Variants in INPP4B observed in about 807,000 individuals in gnomAD.
INPP4B encodes inositol polyphosphate-4-phosphatase type II B, also known as inositol polyphosphate 4-phosphatase type II.
In INPP4B, 55 loss-of-function variants were observed where a neutral mutation model predicts 122.5. The ratio of observed to expected loss-of-function variants is 0.45; its 90% confidence interval spans 0.36 to 0.56. The LOEUF (loss-of-function observed/expected upper bound fraction) is 0.56, where lower values mean the gene tolerates loss of function less well. Among genes scored for constraint, INPP4B ranks in the 20% least tolerant of loss-of-function variants. INPP4B has a pLI of 0.00. For missense variants in INPP4B, 1,000 were observed against 1,097.7 expected (o/e 0.91, Z 1.26); for synonymous variants, 403 against 388.7 (o/e 1.04, Z -0.43).
At position 142,600,081 on chromosome 4, in the gene INPP4B, G is replaced by C. The variant is rs76924238; in HGVS notation, c.-191+125758C>G. ...ATATCCCCCAAAGCAAAGAGAGAAG[G>C]GTTCAAAAAACTATTCAACAACATA... On this transcript the variant is annotated intron_variant, in intron 2 of 25. Coordinates refer to ENST00000262992, the MANE Select transcript of INPP4B (RefSeq NM_001101669.3). Among the ~76,000 whole-genome samples, 1,139 of 151,790 alleles carry C rather than the reference G, an allele frequency of 7.5e-3. 6 individuals are homozygous for C. Among genetic ancestry groups the C allele is most frequent in the Non-Finnish European group, 0.011 (767 of 67,920 alleles).
intron 7 of INPP4B, among the ~76,000 whole-genome samples, chr4:142,328,542 C>G (rs1296096391): frequency 6.6e-6 from 1 of 152,126 alleles, no homozygotes; most frequent in Non-Finnish European, 1.5e-5. Flanking sequence ...AGATTGAATA[C>G]AGAGAAGCAG....
At chr4:142,062,904 C>A (rs1761775285) in intron 25 of INPP4B, among the ~76,000 whole-genome samples, 1 of 152,140 alleles carries the variant, frequency 6.6e-6, no homozygotes, top group Non-Finnish European at 1.5e-5. Context: ...TATGTATAGA[C>A]CTCAGGTACA....
intron 2 of INPP4B, among the ~76,000 whole-genome samples, chr4:142,712,194 T>A (rs1763203685): frequency 6.6e-6 from 1 of 152,208 alleles, no homozygotes; most frequent in Non-Finnish European, 1.5e-5. Flanking sequence ...ACTTCCCAGC[T>A]TCTAGAATTG....
At chr4:142,663,754 A>T (rs1034769805) in intron 2 of INPP4B, among the ~76,000 whole-genome samples, 1 of 152,146 alleles carries the variant, frequency 6.6e-6, no homozygotes, top group South Asian at 2.1e-4. Flanking sequence ...ATTCATTTCT[A>T]AGAATTTCTA....
At chr4:142,587,920 A>G (rs1217608125) in intron 2 of INPP4B, among the ~76,000 whole-genome samples, 1 of 151,982 alleles carries the variant, frequency 6.6e-6, no homozygotes, top group African/African-American at 2.4e-5. Context: ...CATAAATATA[A>G]ATGCAAAAAT....
intron 2 of INPP4B, among the ~76,000 whole-genome samples, chr4:142,572,492 A>G (rs1047176198): frequency 6.6e-6 from 1 of 152,146 alleles, no homozygotes; most frequent in African/African-American, 2.4e-5. Context: ...CCACAACACT[A>G]TATTTTGAAA....
intron 2 of INPP4B, among the ~76,000 whole-genome samples, chr4:142,580,776 G>C (rs1040896474): frequency 1.3e-5 from 2 of 152,004 alleles, no homozygotes; most frequent in African/African-American, 4.8e-5. Context: ...GACAGAGGGA[G>C]ATACATTAAA....
At position 142,123,489 on chromosome 4, in the gene INPP4B, T is replaced by C. The variant is rs183027534; in HGVS notation, c.1894-74A>G. ...GTTTTATTTTGAAATATTTTAAGACTTCTGAGGCATCACAGATTCGATTAT... is the reference window on the plus strand; with the variant it reads ...GTTTTATTTTGAAATATTTTAAGACCTCTGAGGCATCACAGATTCGATTAT... On this transcript the variant is annotated intron_variant, in intron 19 of 25. Coordinates refer to ENST00000262992, the MANE Select transcript of INPP4B (RefSeq NM_001101669.3). 3.5e-6 allele frequency: 5 copies of C among 1,430,716 alleles called. No individual in the cohort carries two copies. In the East Asian group the frequency reaches 9.4e-5, roughly 27 times the overall value. The allele number at this position is 1,430,716 out of a possible 1,614,324, so 88.6% of individuals were successfully genotyped here. A position where few individuals can be genotyped will look rare whatever the true frequency, so the allele number is the denominator to read the frequency against.
At chr4:142,137,000 C>A (rs1034969639) in intron 18 of INPP4B, among the ~76,000 whole-genome samples, 2 of 152,118 alleles carry the variant, frequency 1.3e-5, no homozygotes, top group African/African-American at 4.8e-5. Flanking sequence ...CATCAAGATA[C>A]CAATGAGTTT....
intron 25 of INPP4B, among the ~76,000 whole-genome samples, chr4:142,045,030 C>A (rs2645814): frequency 0.85 from 128,664 of 152,136 alleles, 55,514 homozygotes; most frequent in Non-Finnish European, 0.92. Flanking sequence ...TAAGAAAATA[C>A]AGCCAAAATT....
At chr4:142,678,661 A>G (rs1348929022) in intron 2 of INPP4B, among the ~76,000 whole-genome samples, 1 of 151,952 alleles carries the variant, frequency 6.6e-6, no homozygotes, top group Non-Finnish European at 1.5e-5. Context: ...AACTGTTTAT[A>G]TCATACAACC....
In INPP4B at chr4:142,522,371, ATGT is replaced by A. The variant is rs1560752989; in HGVS notation, c.-190-59648_-190-59646del. On this transcript the variant is annotated intron_variant, in intron 2 of 25. Transcript: ENST00000262992. ...CCACCCCGAGACATGAGATTTCCCT[ATGT>A]TGCCCAGGCTGGAGTGAAGTGGTTA... is the stretch of plus-strand genomic sequence containing the variant. 1.2e-4 allele frequency among the ~76,000 whole-genome samples: 13 copies of A among 112,086 alleles called. No individual in the cohort carries two copies. In the East Asian group the frequency reaches 3.8e-3, roughly 33 times the overall value. The allele number at this position is 112,086 out of a possible 152,430, so 73.5% of individuals were successfully genotyped here. A position where few individuals can be genotyped will look rare whatever the true frequency, so the allele number is the denominator to read the frequency against.
chr4:142,102,057 G>A (rs1018549565), intron 23 of INPP4B, among the ~76,000 whole-genome samples: 8 of 151,910 alleles, frequency 5.3e-5, no homozygotes, highest in Admixed American at 6.6e-5. Context: ...AGGTTTACTT[G>A]TCCCAATGGA....
chr4:142,247,184 G>A (rs1729320419), intron 11 of INPP4B, among the ~76,000 whole-genome samples: 1 of 152,138 alleles, frequency 6.6e-6, no homozygotes, highest in Non-Finnish European at 1.5e-5. Context: ...TATGCTGCTG[G>A]ATTCAGTTTG....
At chr4:142,763,570 T>C (rs1771652025) in intron 1 of INPP4B, among the ~76,000 whole-genome samples, 1 of 152,010 alleles carries the variant, frequency 6.6e-6, no homozygotes, top group African/African-American at 2.4e-5. Flanking sequence ...AATTACAACA[T>C]AATATAACAT....
intron 1 of INPP4B, among the ~76,000 whole-genome samples, chr4:142,806,753 AG>A (rs1383756898): frequency 1.1e-3 from 147 of 139,388 alleles, no homozygotes; most frequent in African/African-American, 3.7e-3. Context: ...AAAAAAAAGA[AG>A]AAGAAGAAAG....
At chr4:142,200,613 TAAAC>T (rs780092097) in intron 14 of INPP4B, among the ~76,000 whole-genome samples, 9 of 152,000 alleles carry the variant, frequency 5.9e-5, no homozygotes, top group African/African-American at 2.2e-4. Context: ...TATTATCACT[TAAAC>T]AACACAATAA....
chr4:142,493,484 A>G (rs971430248), intron 2 of INPP4B, among the ~76,000 whole-genome samples: 2 of 152,208 alleles, frequency 1.3e-5, no homozygotes, highest in East Asian at 3.9e-4. Flanking sequence ...GAGCTGCCCA[A>G]GGCTGTGGGA....
At chr4:142,790,705 T>G (rs919468527) in intron 1 of INPP4B, among the ~76,000 whole-genome samples, 1 of 152,020 alleles carries the variant, frequency 6.6e-6, no homozygotes, top group African/African-American at 2.4e-5. Flanking sequence ...TGATTAACTA[T>G]TAAACTGCTT....
Sources: gnomAD v4.1 joint callset for allele counts (sites outside exome capture counted in the v4.1 genomes callset) on GRCh38, gnomAD v4.1.1 for gene constraint, MANE v1.5 for transcripts, NCBI Gene and HGNC (gene_info 2026-07-23, HGNC 2026-07-21) for gene names.